The following SPTA1 variants were observed in gnomAD, a reference collection of about 807,000 sequenced individuals.
SPTA1 encodes spectrin alpha chain, erythrocytic 1.
In SPTA1, 177 loss-of-function variants were observed where a neutral mutation model predicts 324.7. That is an observed-to-expected ratio of 0.55 (90% CI 0.48 to 0.62). The LOEUF (loss-of-function observed/expected upper bound fraction) is 0.62, where lower values mean the gene tolerates loss of function less well. Among genes scored for constraint, SPTA1 ranks in the 20% least tolerant of loss-of-function variants. The pLI, the probability that SPTA1 is intolerant of heterozygous loss-of-function variation, is 0.00. For missense variants in SPTA1, 3,162 were observed against 2,883.6 expected, an observed-to-expected ratio of 1.10 and a Z score of -2.21; for synonymous variants, 1,195 against 1,041.3, an observed-to-expected ratio of 1.15 and a Z score of -2.84.
chr1:158,669,622 C>T (rs745651765), intron 13 of SPTA1, 59 bp from the exon 14 acceptor site: 104 of 1,613,858 alleles, frequency 6.4e-5, no homozygotes, highest in Non-Finnish European at 7.3e-5. Context: ...ATGTGAGATT[C>T]GCTGACCACC....
In SPTA1 at chr1:158,672,334, A is replaced by G. The variant is rs1403759676; in HGVS notation, c.1351-138T>C. The G allele has an allele frequency of 3.6e-6, 3 of 842,086 alleles. No individual in the cohort carries two copies. The African/African-American group carries it at 5.1e-5, about 14-fold the overall frequency. 52.2% of individuals were successfully genotyped at this position (842,086 alleles called of 1,614,324 possible). A position where few individuals can be genotyped will look rare whatever the true frequency, so the allele number is the denominator to read the frequency against. On this transcript the variant is annotated intron_variant, in intron 10 of 51. Transcript: ENST00000643759. The stretch of plus-strand genomic sequence containing the variant: ...ATGGGCTTTTAAGATTCCAACTTTT[A>G]AGCAAATGATTGTACTATAGGAAGA...
At chr1:158,642,156 T>C (rs571005840) in intron 33 of SPTA1, among the ~76,000 whole-genome samples, 1 of 151,642 alleles carries the variant, frequency 6.6e-6, no homozygotes, top group Admixed American at 6.6e-5. Flanking sequence ...CCAGGGACTG[T>C]TGTGGGGTGG....
chr1:158,619,684 A>T (rs574763014), intron 44 of SPTA1, among the ~76,000 whole-genome samples: 1 of 152,334 alleles, frequency 6.6e-6, no homozygotes, highest in Non-Finnish European at 1.5e-5. Context: ...CTTAGAAACA[A>T]TAGTTACTAT....
At chr1:158,626,303 C>T (rs1300618126) in intron 41 of SPTA1, 81 bp from the exon 42 acceptor site, 3 of 1,301,088 alleles carry the variant, frequency 2.3e-6, no homozygotes, top group Non-Finnish European at 3.3e-6. Context: ...ATATTTACAA[C>T]ACACAACAAG....
At chr1:158,665,160 T>G (rs998741122) in intron 16 of SPTA1, among the ~76,000 whole-genome samples, 1 of 152,162 alleles carries the variant, frequency 6.6e-6, no homozygotes, top group African/African-American at 2.4e-5. Context: ...CATGTAACAT[T>G]TTATCTTCTT....
rs771671322 is a variant in SPTA1 at position 158,669,744 on chromosome 1, A to C, written c.1642T>G (p.Tyr548Asp). 39 of 1,614,106 alleles carry C rather than the reference A, an allele frequency of 2.4e-5. No homozygotes were observed. In the South Asian group the frequency reaches 3.6e-4, roughly 15 times the overall value. The change falls in exon 13 of 52, where the codon TAT becomes GAT. Residue 548 changes from tyrosine to aspartate, a missense_variant. Physicochemically the swap from Tyr to Asp is radical, Grantham distance 160 (BLOSUM62 -3). Coordinates refer to ENST00000643759, the MANE Select transcript of SPTA1 (RefSeq NM_003126.4). ...TATKLIGDDH[Y>D]DSENIKAIRD... Reference sequence around the variant, plus strand: ...ATAGCCTTGATGTTCTCTGAATCATAATGGTCATCACCAATCAATTTGGTT... The same window carrying C: ...ATAGCCTTGATGTTCTCTGAATCATCATGGTCATCACCAATCAATTTGGTT...
chr1:158,639,174 G>T lies in SPTA1; in HGVS notation c.4980+408C>A, dbSNP rs143949585. The T allele has an allele frequency of 4.1e-3, 849 of 205,040 alleles. 4 individuals carry two copies. The highest frequency in any genetic ancestry group is 6.2e-3 in the Non-Finnish European group (619 of 99,634). 12.7% of individuals were successfully genotyped at this position (205,040 alleles called of 1,614,324 possible). On this transcript the variant is annotated intron_variant, in intron 35 of 51. Coordinates refer to ENST00000643759, the MANE Select transcript of SPTA1 (RefSeq NM_003126.4). ...TAGGATGCAACCAGAATCCTTGACA[G>T]GATTTCCAGAGTGTTTGTGTAGTTC...
In SPTA1 at chr1:158,652,597, T is replaced by C. The variant is rs1652532643; in HGVS notation, c.3245A>G (p.Tyr1082Cys). The C allele has an allele frequency of 5.0e-6, 8 of 1,614,164 alleles. No homozygotes were observed. The highest frequency in any genetic ancestry group is 6.8e-6 in the Non-Finnish European group (8 of 1,180,030). The change falls in exon 23 of 52, where the codon TAT becomes TGT. Residue 1082 changes from tyrosine (Y) to cysteine (C), a missense_variant. Tyr to Cys is a radical substitution (Grantham distance 194). Coordinates refer to ENST00000643759, the MANE Select transcript of SPTA1 (RefSeq NM_003126.4). ...CTCATAGGCCAATAAAAATTCATTA[T>C]AACGTTGCAATAGACGACGTCTGCG... ...EERRRRLLQR[Y>C]NEFLLAYEAG... is the part of the protein sequence containing the mutation.
intron 1 of SPTA1, among the ~76,000 whole-genome samples, chr1:158,685,904 T>C (rs752899964): frequency 3.9e-5 from 6 of 152,208 alleles, no homozygotes; most frequent in Admixed American, 1.3e-4. Context: ...TTCAGCTATC[T>C]TCTGCCCAAT....
Position 158,611,358 on chromosome 1 carries a change from G to T in SPTA1, c.7166C>A (p.Ala2389Asp), listed in dbSNP as rs1472739405. 3 of 1,613,548 alleles carry T rather than the reference G, an allele frequency of 1.9e-6. No individual in the cohort carries two copies. Among genetic ancestry groups the T allele is most frequent in the Non-Finnish European group, 2.5e-6 (3 of 1,179,716 alleles). ...ALTPEQVSFC[A>D]THMQQYMDPR... is the part of the protein sequence containing the mutation. ...GTCCATATATTGCTGCATATGTGTG[G>T]CACAGAATGACACTTGCTCTGGGGT... Residue 2389 changes from alanine to aspartate, a missense_variant, in exon 52 of 52, where the codon GCC becomes GAC. By Grantham distance (126) the Ala-to-Asp change is moderately radical. Transcript: ENST00000643759.
Position 158,656,547 on chromosome 1 carries a change from C to T in SPTA1, c.2898+17G>A, listed in dbSNP as rs369269751. 4.6e-5 allele frequency: 74 copies of T among 1,605,618 alleles called. No homozygotes were observed. Among genetic ancestry groups the T allele is most frequent in the Non-Finnish European group, 5.8e-5 (68 of 1,172,828 alleles). ...TGGTGGGAAGTGTGAATCCTGTCAT[C>T]GCTAAGTTAGTCTTACCTGGCAGGC... On this transcript the variant is annotated intron_variant, in intron 20 of 51. Transcript: ENST00000643759.
At chr1:158,651,900 T>A (rs1652465158) in intron 23 of SPTA1, among the ~76,000 whole-genome samples, 1 of 150,904 alleles carries the variant, frequency 6.6e-6, no homozygotes, top group Non-Finnish European at 1.5e-5. Context: ...TCTCTCTCTC[T>A]CTCTCTCTCT....
intron 5 of SPTA1, among the ~76,000 whole-genome samples, chr1:158,679,617 G>A (rs753833414): frequency 6.6e-6 from 1 of 152,006 alleles, no homozygotes; most frequent in Non-Finnish European, 1.5e-5. Flanking sequence ...TGGGATTGAG[G>A]CCACCTTAGA....
At chr1:158,654,375 T>C (rs1276878138) in intron 21 of SPTA1, among the ~76,000 whole-genome samples, 4 of 152,234 alleles carry the variant, frequency 2.6e-5, no homozygotes, top group Non-Finnish European at 5.9e-5. Context: ...GGGCTAATTA[T>C]ATAACTTCAA....
At chr1:158,617,219 C>A (rs1649611151) in intron 47 of SPTA1, among the ~76,000 whole-genome samples, 1 of 152,254 alleles carries the variant, frequency 6.6e-6, no homozygotes, top group South Asian at 2.1e-4. Flanking sequence ...TCCTTTGTAG[C>A]CACAAAACGT....
rs1654261295 is a variant in SPTA1, at chr1:158,674,465, C to CA, written c.1249-36dup. 3 of 1,613,934 alleles carry CA rather than the reference C, an allele frequency of 1.9e-6. No homozygotes were observed. In the African/African-American group the frequency reaches 4.0e-5, roughly 22 times the overall value. ...CAAAACAAAGTGTCTCAAAATGCAG[C>CA]AAGAAACCTGGCATTTCTGGCATTC... On this transcript the variant is annotated intron_variant, in intron 9 of 51. Transcript: ENST00000643759.
intron 24 of SPTA1, among the ~76,000 whole-genome samples, chr1:158,650,375 A>G (rs1291391959): frequency 1.3e-5 from 2 of 152,148 alleles, no homozygotes; most frequent in Non-Finnish European, 2.9e-5. Flanking sequence ...TCCGCTTCGT[A>G]TTTCTTCACC....
At chr1:158,639,793 T>C in intron 34 of SPTA1, 77 bp downstream of exon 34, 1 of 1,612,770 alleles carries the variant, frequency 6.2e-7, no homozygotes, top group South Asian at 1.1e-5. Context: ...TTCAAGGAAA[T>C]TGCCCATGGG....
rs753195427 is a variant in SPTA1 at position 158,613,882 on chromosome 1, A to C, written c.6843-15T>G. On this transcript the variant is annotated splice_polypyrimidine_tract_variant and intron_variant, in intron 49 of 51. Coordinates refer to ENST00000643759, the MANE Select transcript of SPTA1 (RefSeq NM_003126.4). ...CATCAAAGTGTCTAAAGGATAAAAA[A>C]AGAAAAAAAAATTTATCAAGCTCAA... The C allele has an allele frequency of 1.8e-5, 29 of 1,612,348 alleles. No homozygotes were observed. Among genetic ancestry groups the C allele is most frequent in the Non-Finnish European group, 2.4e-5 (28 of 1,179,290 alleles).
Sources: gnomAD v4.1 joint callset for allele counts (sites outside exome capture counted in the v4.1 genomes callset) on GRCh38, gnomAD v4.1.1 for gene constraint, MANE v1.5 for transcripts, NCBI Gene and HGNC (gene_info 2026-07-23, HGNC 2026-07-21) for gene names.